ERC1: variants seen among roughly 807,000 people sequenced by gnomAD.
ERC1 encodes the protein ELKS/RAB6-interacting/CAST family member 1, also known as RAB6 interacting protein 2.
ERC1 carries 56 observed loss-of-function variants against 132.0 expected under a neutral mutation model. The observed-to-expected ratio is 0.42, with a 90% confidence interval of 0.34 to 0.53. The LOEUF is 0.53. Ranked by LOEUF, ERC1 falls within the 20% of genes least tolerant of loss-of-function variation. The pLI, the probability that ERC1 is intolerant of heterozygous loss-of-function variation, is 0.03. For synonymous variants in ERC1, 478 were observed against 476.1 expected, an observed-to-expected ratio of 1.00 and a Z score of -0.05; for missense variants, 1,202 against 1,349.9, an observed-to-expected ratio of 0.89 and a Z score of 1.72.
Position 1,253,007 on chromosome 12 carries a change from A to G in ERC1, c.2488-10027A>G, listed in dbSNP as rs551641625. ...ACGTTAAGGATAATGGATAACAGTT[A>G]ACATTAATATCTTTCAGAACAGGTT... On this transcript the variant is annotated intron_variant, in intron 13 of 18. Transcript: ENST00000360905. 2.2e-4 allele frequency among the ~76,000 whole-genome samples: 34 copies of G among 152,368 alleles called. No homozygotes were observed. The South Asian group carries it at 3.5e-3, about 16-fold the overall frequency.
intron 17 of ERC1, among the ~76,000 whole-genome samples, chr12:1,420,982 T>C (rs2092405726): frequency 2.0e-5 from 3 of 151,994 alleles, no homozygotes; most frequent in Admixed American, 2.0e-4. Flanking sequence ...TCCTTTATTA[T>C]TATTTTTAAA....
At chr12:1,480,543 G>A (rs1472999890) in intron 18 of ERC1, among the ~76,000 whole-genome samples, 2 of 152,174 alleles carry the variant, frequency 1.3e-5, no homozygotes, top group African/African-American at 4.8e-5. Flanking sequence ...TTACATTACT[G>A]CGTTTGGATT....
chr12:1,227,310 C>CA (rs1483583352), intron 12 of ERC1, among the ~76,000 whole-genome samples: 1 of 152,136 alleles, frequency 6.6e-6, no homozygotes, highest in Admixed American at 6.6e-5. Flanking sequence ...TTGTCTTTTT[C>CA]ATAGTATCCA....
intron 7 of ERC1, among the ~76,000 whole-genome samples, chr12:1,136,020 AAC>A (rs1566054030): frequency 6.6e-6 from 1 of 151,976 alleles, no homozygotes; most frequent in Non-Finnish European, 1.5e-5. Context: ...TGTCAGAAAT[AAC>A]ACACCAAAAA....
chr12:1,149,780 G>A (rs151060095), intron 8 of ERC1, among the ~76,000 whole-genome samples: 1 of 152,144 alleles, frequency 6.6e-6, no homozygotes, highest in Admixed American at 6.5e-5. Context: ...GATATTGACT[G>A]GCAAAAAGTC....
chr12:1,341,667 G>C (rs1291481788), intron 15 of ERC1, among the ~76,000 whole-genome samples: 1 of 151,112 alleles, frequency 6.6e-6, no homozygotes, highest in African/African-American at 2.4e-5. Context: ...GTCATGGGGT[G>C]GGGGGTTGGG....
intron 15 of ERC1, among the ~76,000 whole-genome samples, chr12:1,294,347 C>G (rs116385976): frequency 6.6e-6 from 1 of 152,082 alleles, no homozygotes; most frequent in African/African-American, 2.4e-5. Context: ...AAAAAAAAAT[C>G]CATGCTTTTT....
At chr12:1,349,447 A>G (rs927722362) in intron 15 of ERC1, among the ~76,000 whole-genome samples, 2 of 152,114 alleles carry the variant, frequency 1.3e-5, no homozygotes, top group African/African-American at 4.8e-5. Context: ...GCAGATCATG[A>G]GATCAGGAGT....
chr12:997,133 A>G (rs1477042658), intron 1 of ERC1, among the ~76,000 whole-genome samples: 1 of 152,200 alleles, frequency 6.6e-6, no homozygotes, highest in Non-Finnish European at 1.5e-5. Flanking sequence ...TTGCCCAGGC[A>G]CTATTTTAGA....
intron 12 of ERC1, among the ~76,000 whole-genome samples, chr12:1,230,981 A>T (rs1246615182): frequency 6.6e-6 from 1 of 152,174 alleles, no homozygotes; most frequent in Non-Finnish European, 1.5e-5. Flanking sequence ...TCTTGTAGCC[A>T]ACATATTGTT....
intron 14 of ERC1, among the ~76,000 whole-genome samples, chr12:1,282,033 T>C (rs1309390675): frequency 1.3e-5 from 2 of 152,206 alleles, no homozygotes; most frequent in Non-Finnish European, 2.9e-5. Context: ...GAGTTGATTT[T>C]TTTTTTAAAT....
chr12:1,220,092 A>G (rs1958834608), intron 12 of ERC1, among the ~76,000 whole-genome samples: 1 of 151,904 alleles, frequency 6.6e-6, no homozygotes, highest in Non-Finnish European at 1.5e-5. Flanking sequence ...TCTATCCTCA[A>G]AGCCTTTGTA....
intron 15 of ERC1, among the ~76,000 whole-genome samples, chr12:1,304,841 G>A (rs1289486138): frequency 7.3e-6 from 1 of 136,876 alleles, no homozygotes; most frequent in Non-Finnish European, 1.5e-5. Flanking sequence ...CCGGGCTGGA[G>A]TACAGTGGCG....
At chr12:1,013,756 C>T (rs967848369) in intron 1 of ERC1, among the ~76,000 whole-genome samples, 1 of 152,144 alleles carries the variant, frequency 6.6e-6, no homozygotes, top group Non-Finnish European at 1.5e-5. Flanking sequence ...TTGGGTCTGT[C>T]TGTCTTCCTT....
chr12:1,397,143 G>T (rs984825359), intron 16 of ERC1, among the ~76,000 whole-genome samples: 1 of 152,146 alleles, frequency 6.6e-6, no homozygotes. Flanking sequence ...CCAAAATCGA[G>T]AATTTAACAA....
At chr12:1,217,078 T>A (rs570272215) in intron 12 of ERC1, among the ~76,000 whole-genome samples, 1 of 152,356 alleles carries the variant, frequency 6.6e-6, no homozygotes, top group African/African-American at 2.4e-5. Context: ...CTTTCCTCTG[T>A]CATTATGAAT....
intron 12 of ERC1, among the ~76,000 whole-genome samples, chr12:1,194,832 A>T (rs1295004277): frequency 6.6e-6 from 1 of 152,086 alleles, no homozygotes; most frequent in African/African-American, 2.4e-5. Flanking sequence ...ATTTTCAGTG[A>T]TCCAAAGAAT....
At chr12:1,490,012 CATTT>C in intron 18 of ERC1, 77 bp from the exon 19 acceptor site, 2 of 1,485,280 alleles carry the variant, frequency 1.3e-6, no homozygotes, top group African/African-American at 2.8e-5. Context: ...GTGCCTTTGT[CATTT>C]ATTGATGAAA....
intron 12 of ERC1, among the ~76,000 whole-genome samples, chr12:1,192,146 T>C (rs1190680564): frequency 6.6e-6 from 1 of 152,196 alleles, no homozygotes; most frequent in East Asian, 1.9e-4. Flanking sequence ...GCAACTGTTA[T>C]TTGAAGACTC....
Sources: allele counts gnomAD v4.1 joint callset (sites outside exome capture counted in the v4.1 genomes callset), GRCh38; gene constraint gnomAD v4.1.1; transcripts MANE v1.5; gene names NCBI Gene and HGNC (gene_info 2026-07-23, HGNC 2026-07-21).